Variants in AOPEP observed in about 807,000 individuals in gnomAD.
The protein encoded by AOPEP is aminopeptidase O (putative), also known as aminopeptidase O.
In AOPEP, 77 loss-of-function variants were observed where a neutral mutation model predicts 98.1. The observed-to-expected ratio is 0.78, with a 90% CI of 0.65 to 0.95. The LOEUF (loss-of-function observed/expected upper bound fraction) is 0.95. AOPEP is among the 40% of genes least tolerant of loss of function. The pLI is 0.00. For missense variants in AOPEP, 1,024 were observed against 1,024.7 expected (o/e 1.00, Z 0.01); for synonymous variants, 346 against 365.3 (o/e 0.95, Z 0.60).
the AOPEP span, among the ~76,000 whole-genome samples, chr9:95,130,929 C>G: frequency 6.6e-6 from 1 of 152,138 alleles, no homozygotes; most frequent in African/African-American, 2.4e-5. Context: ...TTTTATTATG[C>G]CATTTGCTTC....
chr9:94,767,754 A>G (rs1457210793), intron 2 of AOPEP, among the ~76,000 whole-genome samples: 1 of 152,198 alleles, frequency 6.6e-6, no homozygotes, highest in Non-Finnish European at 1.5e-5. Flanking sequence ...ACTCAAAGCC[A>G]TTTGCAGCCT....
intron 5 of AOPEP, among the ~76,000 whole-genome samples, chr9:94,895,362 T>C (rs985099253): frequency 7.0e-6 from 1 of 143,588 alleles, no homozygotes; most frequent in African/African-American, 2.6e-5. Context: ...GTCATGCCAC[T>C]GCACTCCAGC....
At chr9:95,072,044 G>A (rs1275126771) in intron 14 of AOPEP, among the ~76,000 whole-genome samples, 1 of 152,204 alleles carries the variant, frequency 6.6e-6, no homozygotes. Flanking sequence ...TGTGTTCAGT[G>A]ACATCATGTT....
At chr9:94,777,743 C>T (rs981857745) in intron 3 of AOPEP, among the ~76,000 whole-genome samples, 1 of 144,818 alleles carries the variant, frequency 6.9e-6, no homozygotes, top group Admixed American at 7.1e-5. Flanking sequence ...AAGCGATTCT[C>T]TCACCGAGCA....
At chr9:95,065,527 C>T (rs2067794939) in intron 14 of AOPEP, 1 of 152,288 alleles carries the variant, frequency 6.6e-6, no homozygotes, top group Non-Finnish European at 1.5e-5. Flanking sequence ...GAATCCAGGG[C>T]CTCATTACTA....
chr9:95,107,394 G>C, the AOPEP span: 3 of 1,028,910 alleles, frequency 2.9e-6, no homozygotes, highest in Non-Finnish European at 4.4e-6. Flanking sequence ...GAGAGAGGGA[G>C]CTAGGCAGCG....
intron 11 of AOPEP, chr9:95,004,395 C>G (rs2061773688): frequency 2.4e-6 from 1 of 409,056 alleles, no homozygotes; most frequent in Non-Finnish European, 5.0e-6. Context: ...CGGGTCCACA[C>G]TCGCGGGAGC....
Position 94,760,251 on chromosome 9 carries a change from C to T in AOPEP, c.468C>T (p.Val156=), listed in dbSNP as rs374300677. 4.3e-6 allele frequency: 7 copies of T among 1,613,938 alleles called. No homozygotes were observed. The highest frequency in any genetic ancestry group is 2.7e-5 in the African/African-American group (2 of 74,882). The stretch of plus-strand genomic sequence containing the variant: ...GCTGTGATTTATCTGTGTTAAAAGT[C>T]GAGGAGGTGGATGTTGCTGCTGTGC... ...LDCCDLSVLK[V]EEVDVAAVPG... Residue 156 remains valine, a synonymous_variant, in exon 2 of 17, where the codon GTC becomes GTT. Coordinates refer to ENST00000375315, the MANE Select transcript of AOPEP (RefSeq NM_001193329.3).
At chr9:95,037,715 C>T (rs536621257) in intron 13 of AOPEP, among the ~76,000 whole-genome samples, 23 of 152,292 alleles carry the variant, frequency 1.5e-4, no homozygotes, top group African/African-American at 4.6e-4. Context: ...TCCTCTTCAG[C>T]GTCTGTCTGT....
intron 13 of AOPEP, among the ~76,000 whole-genome samples, chr9:95,006,925 G>A (rs1327712772): frequency 4.9e-5 from 7 of 143,120 alleles, no homozygotes; most frequent in South Asian, 2.2e-4. Context: ...TTTTTGAGAC[G>A]GAGTCTTGCT....
At chr9:94,907,611 C>T (rs774175614) in intron 5 of AOPEP, among the ~76,000 whole-genome samples, 4 of 152,176 alleles carry the variant, frequency 2.6e-5, no homozygotes, top group Admixed American at 2.6e-4. Flanking sequence ...CCCTCCCCCA[C>T]ACCAGTCTTC....
At chr9:94,798,204 G>A (rs72746527) in intron 4 of AOPEP, among the ~76,000 whole-genome samples, 1,815 of 152,268 alleles carry the variant, frequency 0.012, 21 homozygotes, top group South Asian at 0.043. Context: ...TGCCATTTCT[G>A]TGTCCATTTC....
chr9:95,004,303 T>A lies in AOPEP; in HGVS notation c.1978-855T>A, dbSNP rs184975989. ...TTTTATAAAGTAAGTGTAAACTTTC[T>A]CCCTAATTATGAAAACAGATTGACC... On this transcript the variant is annotated intron_variant, in intron 11 of 16. Transcript: ENST00000375315. 72 of 456,540 alleles carry A rather than the reference T, an allele frequency of 1.6e-4. No individual in the cohort carries two copies. The East Asian group carries it at 4.8e-3, about 30-fold the overall frequency. The allele number at this position is 456,540 out of a possible 1,614,324, so 28.3% of individuals were successfully genotyped here. A position where few individuals can be genotyped will look rare whatever the true frequency, so the allele number is the denominator to read the frequency against.
intron 5 of AOPEP, among the ~76,000 whole-genome samples, chr9:94,862,924 T>C (rs950084929): frequency 6.6e-6 from 1 of 152,236 alleles, no homozygotes; most frequent in Admixed American, 6.5e-5. Flanking sequence ...TACTTGATCA[T>C]TCACTAGAAA....
intron 1 of AOPEP, among the ~76,000 whole-genome samples, chr9:94,739,652 A>G (rs930817618): frequency 6.6e-6 from 1 of 152,110 alleles, no homozygotes; most frequent in African/African-American, 2.4e-5. Flanking sequence ...CTCAAAAAAA[A>G]AAAAAAAAAG....
chr9:94,870,985 A>G (rs1046310055), intron 5 of AOPEP, among the ~76,000 whole-genome samples: 2 of 152,130 alleles, frequency 1.3e-5, no homozygotes, highest in African/African-American at 4.8e-5. Context: ...AGTAGTGCAC[A>G]TGTGGGCTGT....
the AOPEP span, among the ~76,000 whole-genome samples, chr9:95,125,467 AT>A: frequency 6.6e-6 from 1 of 152,134 alleles, no homozygotes; most frequent in Non-Finnish European, 1.5e-5. Flanking sequence ...CTGTACAAAT[AT>A]TTTTGTATTG....
intron 5 of AOPEP, among the ~76,000 whole-genome samples, chr9:94,881,482 C>CCA (rs1266121335): frequency 6.6e-6 from 1 of 152,084 alleles, no homozygotes; most frequent in Non-Finnish European, 1.5e-5. Flanking sequence ...GGTCTCAGCC[C>CCA]CTGTAACTGT....
At chr9:94,849,863 C>T (rs186271643) in intron 5 of AOPEP, among the ~76,000 whole-genome samples, 2 of 152,102 alleles carry the variant, frequency 1.3e-5, no homozygotes, top group East Asian at 1.9e-4. Flanking sequence ...GGCAAAACCC[C>T]GTGTGTACTA....
Sources: allele counts gnomAD v4.1 joint callset (sites outside exome capture counted in the v4.1 genomes callset), GRCh38; gene constraint gnomAD v4.1.1; transcripts MANE v1.5; gene names NCBI Gene and HGNC (gene_info 2026-07-23, HGNC 2026-07-21).